Variants in FGL1 observed in about 807,000 individuals in gnomAD.
FGL1 encodes fibrinogen like 1.
In FGL1, 59 loss-of-function variants were observed where a neutral mutation model predicts 43.7. That is an observed-to-expected ratio of 1.35 (90% confidence interval 1.10 to 1.68). The LOEUF is 1.68. Ranked by LOEUF, FGL1 falls within the 40% of genes most tolerant of loss-of-function variation. FGL1 has a pLI of 0.00. For synonymous variants in FGL1, 192 were observed against 126.5 expected, an observed-to-expected ratio of 1.52 and a Z score of -3.48; for missense variants, 596 against 373.0, an observed-to-expected ratio of 1.60 and a Z score of -4.92.
chr8:17,885,403 A>AC, intron 2 of FGL1, 89 bp downstream of exon 2: 1 of 1,105,652 alleles, frequency 9.0e-7, no homozygotes. Context: ...TTTCAATGAC[A>AC]AGTCACTATA....
chr8:17,881,974 A>C (rs1393083848), intron 3 of FGL1, 25 bp downstream of exon 3: 2 of 1,603,572 alleles, frequency 1.2e-6, no homozygotes, highest in Admixed American at 3.4e-5. Flanking sequence ...AGTTATAGAA[A>C]CACTTAAGAA....
At chr8:17,892,479 A>G (rs1323580780) in intron 1 of FGL1, among the ~76,000 whole-genome samples, 2 of 152,150 alleles carry the variant, frequency 1.3e-5, no homozygotes, top group African/African-American at 4.8e-5. Context: ...GAGAGGGAAA[A>G]TTGTTTGCCT....
At chr8:17,887,358 G>A (rs1267203077) in intron 1 of FGL1, among the ~76,000 whole-genome samples, 1 of 152,126 alleles carries the variant, frequency 6.6e-6, no homozygotes, top group East Asian at 1.9e-4. Flanking sequence ...AGGTATAAAA[G>A]GTATAGGCAC....
rs200414846 is a variant in FGL1, at chr8:17,882,177, C to T, written c.66G>A (p.Ala22=). ...TALTMGREIS[A]LEDCAQEQMR... is the part of the protein sequence containing the mutation. ...TCTGCTCCTGGGCACAGTCCTCGAG[C>T]GCCTGCAAAACAGGTGAGATGAGAT... The change falls in exon 3 of 8, where the codon GCG becomes GCA. Residue 22 remains alanine (A), a splice_region_variant and synonymous_variant. Coordinates refer to ENST00000427924, the MANE Select transcript of FGL1 (RefSeq NM_004467.4). 24 of 1,612,126 alleles carry T rather than the reference C, an allele frequency of 1.5e-5. No homozygotes were observed. The highest frequency in any genetic ancestry group is 1.8e-4 in the Middle Eastern group (1 of 5,624).
At chr8:17,870,260 C>G (rs537522483) in intron 5 of FGL1, among the ~76,000 whole-genome samples, 4 of 151,976 alleles carry the variant, frequency 2.6e-5, no homozygotes, top group Non-Finnish European at 5.9e-5. Context: ...GATATAAGAG[C>G]ATTATGTTTT....
chr8:17,887,773 T>C (rs757683686), intron 1 of FGL1, among the ~76,000 whole-genome samples: 44 of 151,388 alleles, frequency 2.9e-4, no homozygotes, highest in Non-Finnish European at 5.2e-4. Flanking sequence ...AGGTGGAGGT[T>C]GCAGTGAGCC....
rs755097968 is a variant in FGL1 at position 17,882,136 on chromosome 8, T to A, written c.107A>T (p.Gln36Leu). The change falls in exon 3 of 8, where the codon CAG (glutamine) becomes CTG (leucine). Residue 36 changes from glutamine to leucine, a missense_variant. Coordinates refer to ENST00000427924, the MANE Select transcript of FGL1 (RefSeq NM_004467.4). Reference sequence around the variant, plus strand: ...GACCCGGGTCTCAAGCAGGCGCACCTGGGCTCTGAGCCGCATCTGCTCCTG... The same window carrying A: ...GACCCGGGTCTCAAGCAGGCGCACCAGGGCTCTGAGCCGCATCTGCTCCTG... ...CAQEQMRLRA[Q>L]VRLLETRVKQ... 2.5e-6 allele frequency: 4 copies of A among 1,613,978 alleles called. No homozygotes were observed. The highest frequency in any genetic ancestry group is 3.4e-6 in the Non-Finnish European group (4 of 1,179,990).
Position 17,868,540 on chromosome 8 carries a change from C to T in FGL1, c.779+8G>A, listed in dbSNP as rs1431038683. The T allele has an allele frequency of 8.1e-6, 13 of 1,607,352 alleles. No homozygotes were observed. The highest frequency in any genetic ancestry group is 1.1e-5 in the Non-Finnish European group (13 of 1,177,044). Reference sequence around the variant, plus strand: ...CTCCATTACAACTATGCTCATAAGACATCAAACCTGTTAAACCACCAGCCA... The same window carrying T: ...CTCCATTACAACTATGCTCATAAGATATCAAACCTGTTAAACCACCAGCCA... On this transcript the variant is annotated splice_region_variant and intron_variant, in intron 7 of 7. Transcript: ENST00000427924.
rs1343425417 is a variant in FGL1, at chr8:17,864,501, C to T, written c.*91G>A. Reference sequence around the variant, plus strand: ...GAAAAGCACTACTCACAACAGTTATCATGATTGCGCATGGATATGTTCAGA... The same window carrying T: ...GAAAAGCACTACTCACAACAGTTATTATGATTGCGCATGGATATGTTCAGA... On this transcript the variant is annotated 3_prime_UTR_variant, in exon 8 of 8. Coordinates refer to ENST00000427924, the MANE Select transcript of FGL1 (RefSeq NM_004467.4). The T allele has an allele frequency of 7.3e-7, 1 of 1,368,190 alleles. No individual in the cohort carries two copies. Among genetic ancestry groups the T allele is most frequent in the African/African-American group, 1.5e-5 (1 of 67,886 alleles). 84.8% of individuals were successfully genotyped at this position (1,368,190 alleles called of 1,614,324 possible). A position where few individuals can be genotyped will look rare whatever the true frequency, so the allele number is the denominator to read the frequency against.
At chr8:17,865,727 C>G (rs1042602667) in intron 7 of FGL1, among the ~76,000 whole-genome samples, 3 of 152,092 alleles carry the variant, frequency 2.0e-5, no homozygotes, top group African/African-American at 7.2e-5. Context: ...CCATATACTT[C>G]TTTATTGATA....
intron 1 of FGL1, among the ~76,000 whole-genome samples, chr8:17,886,777 G>A (rs1293768955): frequency 1.3e-5 from 1 of 79,912 alleles, no homozygotes; most frequent in Non-Finnish European, 2.9e-5. Flanking sequence ...GAAATGAGAG[G>A]AGAAGAGAGG....
chr8:17,889,926 T>C (rs1165071548), intron 1 of FGL1, among the ~76,000 whole-genome samples: 5 of 152,200 alleles, frequency 3.3e-5, no homozygotes, highest in Admixed American at 6.5e-5. Context: ...GTTCAAAATA[T>C]ACTGTTTGCA....
chr8:17,890,808 AG>A (rs1461961313), intron 1 of FGL1, among the ~76,000 whole-genome samples: 9 of 152,128 alleles, frequency 5.9e-5, no homozygotes, highest in African/African-American at 2.4e-5. Context: ...GCCAAGCAAA[AG>A]CCCCTTATAA....
intron 1 of FGL1, among the ~76,000 whole-genome samples, chr8:17,889,101 A>G (rs993497476): frequency 6.6e-6 from 1 of 152,250 alleles, no homozygotes; most frequent in African/African-American, 2.4e-5. Flanking sequence ...CCATTCAAGT[A>G]GAATGTACCT....
rs780118852 is a variant in FGL1 at position 17,881,997 on chromosome 8, A to C, written c.244+2T>G. ...AAACACTTAAGAAAAGTCCATTCTGACCTGCATACTGCCTCTTGCTTCCAA... is the reference window on the plus strand; with the variant it reads ...AAACACTTAAGAAAAGTCCATTCTGCCCTGCATACTGCCTCTTGCTTCCAA... On this transcript the variant is annotated splice_donor_variant, in intron 3 of 7. Coordinates refer to ENST00000427924, the MANE Select transcript of FGL1 (RefSeq NM_004467.4). LOFTEE classifies it high-confidence loss of function. The C allele has an allele frequency of 5.0e-6, 8 of 1,613,500 alleles. No individual in the cohort carries two copies. The highest frequency in any genetic ancestry group is 6.8e-6 in the Non-Finnish European group (8 of 1,179,640).
At chr8:17,888,155 A>C (rs1428930578) in intron 1 of FGL1, among the ~76,000 whole-genome samples, 2 of 152,104 alleles carry the variant, frequency 1.3e-5, no homozygotes, top group Non-Finnish European at 2.9e-5. Context: ...AAAATAGAGA[A>C]AATTAACTTT....
chr8:17,865,750 A>T (rs773458706), intron 7 of FGL1, among the ~76,000 whole-genome samples: 1 of 152,200 alleles, frequency 6.6e-6, no homozygotes, highest in Non-Finnish European at 1.5e-5. Flanking sequence ...ATTAATGAAA[A>T]GATGTCAGAA....
intron 1 of FGL1, among the ~76,000 whole-genome samples, chr8:17,889,485 G>C: frequency 6.6e-6 from 1 of 152,174 alleles, no homozygotes; most frequent in East Asian, 1.9e-4. Flanking sequence ...GGGAGGCGGA[G>C]GTTGCAGTGA....
chr8:17,881,849 A>AG (rs2053541037), intron 3 of FGL1, 150 bp downstream of exon 3: 1 of 652,420 alleles, frequency 1.5e-6, no homozygotes, highest in African/African-American at 1.9e-5. Context: ...AAAAAAAAAA[A>AG]GTAAAGTGTG....
Sources: gnomAD v4.1 joint callset for allele counts (sites outside exome capture counted in the v4.1 genomes callset) on GRCh38, gnomAD v4.1.1 for gene constraint, MANE v1.5 for transcripts, NCBI Gene and HGNC (gene_info 2026-07-23, HGNC 2026-07-21) for gene names.